The following TMPRSS2 variants were observed in gnomAD, a reference collection of about 807,000 sequenced individuals.
TMPRSS2 encodes the protein transmembrane serine protease 2.
Under a neutral mutation model 67.4 loss-of-function variants are expected in TMPRSS2, and 59 were observed. The observed-to-expected ratio is 0.88, with a 90% CI of 0.71 to 1.09. The LOEUF (loss-of-function observed/expected upper bound fraction) is 1.09, where lower values mean the gene tolerates loss of function less well. TMPRSS2 is among the 50% of genes least tolerant of loss of function. The pLI, the probability that TMPRSS2 is intolerant of heterozygous loss-of-function variation, is 0.00. For synonymous variants in TMPRSS2, 257 were observed against 257.0 expected, an observed-to-expected ratio of 1.00 and a Z score of 0.00; for missense variants, 668 against 642.7, an observed-to-expected ratio of 1.04 and a Z score of -0.43.
rs566208761 is a variant in TMPRSS2 at position 41,478,588 on chromosome 21, T to C, written c.683+584A>G. ...GGTCAGCCACTCATCATGTGACCTG[T>C]GGCTTGTACCCACTTCTACCCCCTG... On this transcript the variant is annotated intron_variant, in intron 7 of 13. Coordinates refer to ENST00000332149, the MANE Select transcript of TMPRSS2 (RefSeq NM_005656.4). This position sits in a 1 kb window ranked among gnomAD's most constrained non-coding sequence, Gnocchi z 4.0. Among the ~76,000 whole-genome samples the C allele has an allele frequency of 3.3e-5, 5 of 152,306 alleles. No individual in the cohort carries two copies. The South Asian group carries it at 8.3e-4, about 25-fold the overall frequency.
chr21:41,482,093 GT>G (rs952364314), intron 5 of TMPRSS2, among the ~76,000 whole-genome samples: 67 of 146,888 alleles, frequency 4.6e-4, no homozygotes, highest in African/African-American at 7.2e-4. Context: ...AAGATAAAAG[GT>G]TTTTTTTTTT....
Position 41,471,821 on chromosome 21 carries a change from G to C in TMPRSS2, c.1060C>G (p.Pro354Ala). Residue 354 changes from proline (P) to alanine (A), a missense_variant, in exon 10 of 14, where the codon CCT (proline) becomes GCT (alanine). Physicochemically the swap from Pro to Ala is conservative, Grantham distance 27 (BLOSUM62 -1). Coordinates refer to ENST00000332149, the MANE Select transcript of TMPRSS2 (RefSeq NM_005656.4). ...CCACACGTACCGTTGAAAGTCAGAG[G>C]CTTCTGCAGCTTCATCAGCGCAATG... The part of the protein sequence containing the change: ...NDIALMKLQK[P>A]LTFNDLVKPV... 2 of 1,604,910 alleles carry C rather than the reference G, an allele frequency of 1.2e-6. No individual in the cohort carries two copies. The highest frequency in any genetic ancestry group is 2.2e-5 in the South Asian group (2 of 90,444).
chr21:41,468,028 A>ACCCCTTGATGGTGG, intron 12 of TMPRSS2, 142 bp from the exon 13 acceptor site: 1 of 834,968 alleles, frequency 1.2e-6, no homozygotes, highest in Non-Finnish European at 1.9e-6. Context: ...CTCCACCATC[A>ACCCCTTGATGGTGG]AGGGGTGATG....
intron 7 of TMPRSS2, among the ~76,000 whole-genome samples, chr21:41,477,884 C>A (rs925853748): frequency 6.8e-6 from 1 of 146,358 alleles, no homozygotes; most frequent in Non-Finnish European, 1.5e-5. Flanking sequence ...CGCCTCCCCC[C>A]ACCACCACCA....
intron 1 of TMPRSS2, among the ~76,000 whole-genome samples, chr21:41,501,340 G>C (rs1443349796): frequency 6.6e-6 from 1 of 152,204 alleles, no homozygotes; most frequent in South Asian, 2.1e-4. Flanking sequence ...CGGGCACGGC[G>C]GCTCCTGCCT....
chr21:41,470,573 C>T (rs1297456984), intron 11 of TMPRSS2, 75 bp downstream of exon 11: 6 of 1,402,256 alleles, frequency 4.3e-6, no homozygotes, highest in Non-Finnish European at 5.9e-6. Flanking sequence ...GGGATTAAAA[C>T]CTGGACCTCC....
At position 41,469,983 on chromosome 21, in the gene TMPRSS2, C is replaced by A. The variant is rs141603473; in HGVS notation, c.1171+665G>T. On this transcript the variant is annotated intron_variant, in intron 11 of 13. Coordinates refer to ENST00000332149, the MANE Select transcript of TMPRSS2 (RefSeq NM_005656.4). ...GCCAGGATGCCCCCCACTACCTTCCCTGACGCTCCCCAGAAATCACCCAAC... is the reference window on the plus strand; with the variant it reads ...GCCAGGATGCCCCCCACTACCTTCCATGACGCTCCCCAGAAATCACCCAAC... Among the ~76,000 whole-genome samples, 1,077 of 152,314 alleles carry A rather than the reference C, an allele frequency of 7.1e-3. 16 individuals are homozygous for A. The highest frequency in any genetic ancestry group is 0.024 in the African/African-American group (997 of 41,566).
intron 1 of TMPRSS2, among the ~76,000 whole-genome samples, 157 bp from the exon 2 acceptor site, chr21:41,498,346 C>T (rs895040826): frequency 2.6e-5 from 4 of 152,186 alleles, no homozygotes; most frequent in Non-Finnish European, 5.9e-5. Context: ...CCACTGCTTC[C>T]CCACATCCCT....
At chr21:41,475,258 G>C (rs111220481) in intron 8 of TMPRSS2, among the ~76,000 whole-genome samples, 1,236 of 3,828 alleles carry the variant, frequency 0.32, 54 homozygotes, top group Middle Eastern at 0.5. Flanking sequence ...GGGTGAGAGA[G>C]GGGGTGAGTG....
intron 3 of TMPRSS2, among the ~76,000 whole-genome samples, chr21:41,494,107 G>A (rs1169875268): frequency 6.6e-6 from 1 of 152,242 alleles, no homozygotes; most frequent in Non-Finnish European, 1.5e-5. Flanking sequence ...AGGCAAAGCT[G>A]TACAGGAGAG....
At chr21:41,467,538 C>T (rs1010214683) in intron 13 of TMPRSS2, among the ~76,000 whole-genome samples, 196 bp downstream of exon 13, 1 of 152,124 alleles carries the variant, frequency 6.6e-6, no homozygotes, top group African/African-American at 2.4e-5. Context: ...GGGAAATATG[C>T]AAGTGAAGCC....
Position 41,476,576 on chromosome 21 carries a change from C to A in TMPRSS2, c.727+1G>T. 1 of 1,613,346 alleles carries A rather than the reference C, an allele frequency of 6.2e-7. No homozygotes were observed. On this transcript the variant is annotated splice_donor_variant, in intron 8 of 13. Coordinates refer to ENST00000332149, the MANE Select transcript of TMPRSS2 (RefSeq NM_005656.4). LOFTEE classifies it high-confidence loss of function. ...AAAAGGGGGACTCCAGATGAACTTA[C>A]CTATACAGCGTAAAGAAACCACTGC...
intron 8 of TMPRSS2, 101 bp downstream of exon 8, chr21:41,476,476 T>C: frequency 8.1e-7 from 1 of 1,234,014 alleles, no homozygotes; most frequent in Non-Finnish European, 1.2e-6. Context: ...GACCCCACCT[T>C]CTTCCCTCCC....
intron 1 of TMPRSS2, among the ~76,000 whole-genome samples, chr21:41,499,865 G>A (rs188198121): frequency 1.8e-3 from 277 of 151,950 alleles, no homozygotes; most frequent in Non-Finnish European, 3.3e-3. Context: ...ACCCCTTCCC[G>A]CTTGGCTTTA....
Position 41,468,464 on chromosome 21 carries a change from A to G in TMPRSS2, c.1246T>C (p.Tyr416His). 6.2e-7 allele frequency: 1 copy of G among 1,614,180 alleles called. No individual in the cohort carries two copies. ...ATGGCTGGTGTGATCAGGTTGTCAT[A>G]GACATATCTGCTGTTGCATCTCTGT... is the stretch of plus-strand genomic sequence containing the variant. ...ETQRCNSRYV[Y>H]DNLITPAMIC... Residue 416 changes from tyrosine to histidine, a missense_variant, in exon 12 of 14, where the codon TAT becomes CAT. Physicochemically the swap from Tyr to His is moderately conservative, Grantham distance 83. Coordinates refer to ENST00000332149, the MANE Select transcript of TMPRSS2 (RefSeq NM_005656.4).
chr21:41,484,691 C>T (rs1399452408), intron 5 of TMPRSS2, among the ~76,000 whole-genome samples: 3 of 152,178 alleles, frequency 2.0e-5, no homozygotes, highest in Non-Finnish European at 2.9e-5. Flanking sequence ...CAGATCCACA[C>T]GCCCTCTGAC....
chr21:41,498,096 GAA>G, intron 2 of TMPRSS2, 21 bp downstream of exon 2: 1 of 1,558,852 alleles, frequency 6.4e-7, no homozygotes, highest in East Asian at 2.2e-5. Flanking sequence ...AAAAGGCCAG[GAA>G]GGTAATAATT....
intron 8 of TMPRSS2, among the ~76,000 whole-genome samples, chr21:41,475,401 TGAG>T (rs2091196945): frequency 2.7e-5 from 1 of 37,128 alleles, no homozygotes; most frequent in South Asian, 1.3e-3. Flanking sequence ...AGGGGTTGAG[TGAG>T]GAGGTGAGCA....
intron 2 of TMPRSS2, among the ~76,000 whole-genome samples, chr21:41,495,346 G>A (rs909592454): frequency 2.0e-5 from 3 of 152,162 alleles, no homozygotes; most frequent in African/African-American, 7.2e-5. Context: ...AGATTTGGCT[G>A]GGCGCAGTGG....
Sources: gnomAD v4.1 joint callset for allele counts (sites outside exome capture counted in the v4.1 genomes callset) on GRCh38, gnomAD v4.1.1 for gene constraint, Gnocchi (gnomAD v3.1) non-coding constraint, MANE v1.5 for transcripts, NCBI Gene and HGNC (gene_info 2026-07-23, HGNC 2026-07-21) for gene names.